The following ATP6V1H variants were observed in gnomAD, a reference collection of about 807,000 sequenced individuals.
The protein encoded by ATP6V1H is ATPase H+ transporting V1 subunit H, also known as V-type proton ATPase subunit H.
ATP6V1H carries 39 observed loss-of-function variants against 71.7 expected under a neutral mutation model. The observed-to-expected ratio is 0.54, with a 90% CI of 0.42 to 0.71. The LOEUF is 0.71. ATP6V1H is among the 30% of genes least tolerant of loss of function. The probability of loss-of-function intolerance (pLI) is 0.00; values close to 1 mark genes in which losing one functional copy is unlikely to be tolerated. For missense variants in ATP6V1H, 509 were observed against 594.9 expected (o/e 0.86, Z 1.50); for synonymous variants, 192 against 199.3 (o/e 0.96, Z 0.31).
At chr8:53,818,318 A>C (rs1810520073) in intron 4 of ATP6V1H, among the ~76,000 whole-genome samples, 1 of 152,026 alleles carries the variant, frequency 6.6e-6, no homozygotes, top group Non-Finnish European at 1.5e-5. Flanking sequence ...GGTATTTGTT[A>C]TGTAAGTTCT....
chr8:53,777,335 A>G (rs1283966823), intron 9 of ATP6V1H, among the ~76,000 whole-genome samples: 1 of 152,194 alleles, frequency 6.6e-6, no homozygotes, highest in Non-Finnish European at 1.5e-5. Flanking sequence ...AAGATAACAC[A>G]TTATATACAG....
chr8:53,748,911 C>T (rs998915372), intron 12 of ATP6V1H, among the ~76,000 whole-genome samples: 2 of 152,230 alleles, frequency 1.3e-5, no homozygotes, highest in Non-Finnish European at 2.9e-5. Context: ...TGTATTTACA[C>T]ATGCTGTGCT....
chr8:53,820,281 A>G lies in ATP6V1H; in HGVS notation c.307-2751T>C, dbSNP rs556228468. On this transcript the variant is annotated intron_variant, in intron 4 of 13. Coordinates refer to ENST00000359530, the MANE Select transcript of ATP6V1H (RefSeq NM_015941.4). ...GGAAAGGCATCATTTTTGAGAGATA[A>G]TAAGGTTTAAAAAAAAAGAAGAAGA... Among the ~76,000 whole-genome samples, 216 of 152,054 alleles carry G rather than the reference A, an allele frequency of 1.4e-3. 2 individuals are homozygous for G. Among genetic ancestry groups the G allele is most frequent in the South Asian group, 2.3e-3 (11 of 4,828 alleles).
intron 13 of ATP6V1H, among the ~76,000 whole-genome samples, chr8:53,729,722 C>T (rs1313319829): frequency 6.6e-6 from 1 of 152,188 alleles, no homozygotes; most frequent in Non-Finnish European, 1.5e-5. Context: ...AGAAAGGAGA[C>T]AGAATTGGGT....
intron 5 of ATP6V1H, among the ~76,000 whole-genome samples, chr8:53,816,794 CA>C (rs1345566869): frequency 1.4e-5 from 2 of 142,828 alleles, no homozygotes; most frequent in Non-Finnish European, 3.1e-5. Context: ...GACCCCGTCT[CA>C]AAAAAAAAAC....
At chr8:53,725,500 A>T (rs1052478670) in intron 13 of ATP6V1H, among the ~76,000 whole-genome samples, 2 of 150,470 alleles carry the variant, frequency 1.3e-5, no homozygotes, top group African/African-American at 4.9e-5. Flanking sequence ...GGTTTGTCTA[A>T]GCACGCAGCA....
intron 4 of ATP6V1H, among the ~76,000 whole-genome samples, chr8:53,829,222 AT>A (rs1377760469): frequency 2.0e-5 from 3 of 152,178 alleles, no homozygotes; most frequent in Admixed American, 1.3e-4. Flanking sequence ...AAAAATATAC[AT>A]ATTGATTACT....
At chr8:53,729,076 G>A (rs1318404890) in intron 13 of ATP6V1H, among the ~76,000 whole-genome samples, 1 of 152,174 alleles carries the variant, frequency 6.6e-6, no homozygotes, top group African/African-American at 2.4e-5. Context: ...CCGACAGCTG[G>A]AGATTCGAGG....
At position 53,784,954 on chromosome 8, in the gene ATP6V1H, T is replaced by C. The variant is rs367764238; in HGVS notation, c.870+10693A>G. The stretch of plus-strand genomic sequence containing the variant: ...CTTTGTGGGTAACCCGACCTTTCTC[T>C]CTGGCTGCCCTTAACATTTTTTCCT... On this transcript the variant is annotated intron_variant, in intron 9 of 13. Coordinates refer to ENST00000359530, the MANE Select transcript of ATP6V1H (RefSeq NM_015941.4). Among the ~76,000 whole-genome samples, 6 of 152,302 alleles carry C rather than the reference T, an allele frequency of 3.9e-5. No individual in the cohort carries two copies. The East Asian group carries it at 7.7e-4, about 20-fold the overall frequency.
chr8:53,733,721 G>C (rs1332260759), intron 13 of ATP6V1H, among the ~76,000 whole-genome samples: 2 of 152,118 alleles, frequency 1.3e-5, no homozygotes, highest in South Asian at 4.1e-4. Flanking sequence ...TCCCAAACTT[G>C]GCAGTACTGG....
Position 53,765,501 on chromosome 8 carries a change from A to G in ATP6V1H, c.1175+4117T>C, listed in dbSNP as rs568850049. ...CACACACACACACACACACACACACAAGACCATCAGCATTAGCACCAAAAA... is the reference window on the plus strand; with the variant it reads ...CACACACACACACACACACACACACGAGACCATCAGCATTAGCACCAAAAA... On this transcript the variant is annotated intron_variant, in intron 11 of 13. Transcript: ENST00000359530. Among the ~76,000 whole-genome samples, 26 of 143,690 alleles carry G rather than the reference A, an allele frequency of 1.8e-4. 1 individual carries two copies. Among genetic ancestry groups the G allele is most frequent in the Admixed American group, 1.7e-3 (25 of 14,310 alleles). 94.3% of individuals were successfully genotyped at this position (143,690 alleles called of 152,430 possible).
intron 1 of ATP6V1H, chr8:53,842,808 TC>T (rs1811386359): frequency 6.6e-6 from 1 of 152,040 alleles, no homozygotes; most frequent in South Asian, 2.1e-4. Context: ...CCCTCCACTC[TC>T]CTGCCCGCCC....
chr8:53,812,665 T>C lies in ATP6V1H; in HGVS notation c.526-1448A>G, dbSNP rs145483169. On this transcript the variant is annotated intron_variant, in intron 6 of 13. Transcript: ENST00000359530. ...TTACCACTATACCTGAAAGCTAACA[T>C]TACCCAGAATGAAGTTTTGTTTTTG... is the stretch of plus-strand genomic sequence containing the variant. Among the ~76,000 whole-genome samples, 64 of 152,308 alleles carry C rather than the reference T, an allele frequency of 4.2e-4. No individual in the cohort carries two copies. In the East Asian group the frequency reaches 8.9e-3, roughly 21 times the overall value.
intron 9 of ATP6V1H, among the ~76,000 whole-genome samples, chr8:53,778,291 A>C (rs927030433): frequency 6.6e-6 from 1 of 152,206 alleles, no homozygotes; most frequent in African/African-American, 2.4e-5. Flanking sequence ...AATCAAGGTA[A>C]TTGGGATGCC....
rs556307578 is a variant in ATP6V1H, at chr8:53,817,210, A to T, written c.420+207T>A. Among the ~76,000 whole-genome samples, 343 of 151,764 alleles carry T rather than the reference A, an allele frequency of 2.3e-3. 2 individuals are homozygous for T. The highest frequency in any genetic ancestry group is 7.9e-3 in the African/African-American group (326 of 41,384). On this transcript the variant is annotated intron_variant, in intron 5 of 13. Coordinates refer to ENST00000359530, the MANE Select transcript of ATP6V1H (RefSeq NM_015941.4). ...AAAATAATAATAAAACAAAAATTTT[A>T]AAATAAAAACCTTTCTTCTTTGTAT...
At chr8:53,808,495 C>A (rs1236160252) in intron 7 of ATP6V1H, among the ~76,000 whole-genome samples, 2 of 152,186 alleles carry the variant, frequency 1.3e-5, no homozygotes, top group African/African-American at 2.4e-5. Context: ...TCACTGGGTA[C>A]AGTGGCTCAC....
At chr8:53,778,718 A>G (rs745708182) in intron 9 of ATP6V1H, among the ~76,000 whole-genome samples, 2 of 152,202 alleles carry the variant, frequency 1.3e-5, no homozygotes, top group Non-Finnish European at 2.9e-5. Context: ...CCTAAATCCA[A>G]TCATATCAAT....
At position 53,801,837 on chromosome 8, in the gene ATP6V1H, C is replaced by T; in HGVS notation, c.639G>A (p.Glu213=). Residue 213 remains glutamate (E), a synonymous_variant, in exon 8 of 14, where the codon GAG becomes GAA. Transcript: ENST00000359530. ...GCLQLMLRVN[E]YRFAWVEADG... ...CTGCTTCCACCCAAGCAAAGCGGTACTCATTGACCCGGAGCATCAGCTGCA... is the reference window on the plus strand; with the variant it reads ...CTGCTTCCACCCAAGCAAAGCGGTATTCATTGACCCGGAGCATCAGCTGCA... 1 of 1,614,078 alleles carries T rather than the reference C, an allele frequency of 6.2e-7. No individual in the cohort carries two copies. The highest frequency in any genetic ancestry group is 8.5e-7 in the Non-Finnish European group (1 of 1,179,996).
chr8:53,764,336 C>T (rs556953360), intron 11 of ATP6V1H, among the ~76,000 whole-genome samples: 1 of 152,162 alleles, frequency 6.6e-6, no homozygotes, highest in South Asian at 2.1e-4. Context: ...AAACTATGAC[C>T]AAACAGGATT....
Sources: gnomAD v4.1 joint callset for allele counts (sites outside exome capture counted in the v4.1 genomes callset) on GRCh38, gnomAD v4.1.1 for gene constraint, MANE v1.5 for transcripts, NCBI Gene and HGNC (gene_info 2026-07-23, HGNC 2026-07-21) for gene names.